ESR1: variants seen among roughly 807,000 people sequenced by gnomAD.
The protein encoded by ESR1 is estrogen receptor.
In ESR1, 12 loss-of-function variants were observed where a neutral mutation model predicts 52.7. The ratio of observed to expected loss-of-function variants is 0.23; its 90% CI spans 0.15 to 0.37. The LOEUF is 0.37. ESR1 is among the 10% of genes least tolerant of loss of function. The pLI, the probability that ESR1 is intolerant of heterozygous loss-of-function variation, is 1.00. For missense variants in ESR1, 584 were observed against 779.7 expected, an observed-to-expected ratio of 0.75 and a Z score of 2.99; for synonymous variants, 305 against 316.8, an observed-to-expected ratio of 0.96 and a Z score of 0.39.
intron 5 of ESR1, among the ~76,000 whole-genome samples, chr6:152,029,897 T>C (rs1243434425): frequency 1.4e-4 from 21 of 152,160 alleles, no homozygotes; most frequent in Admixed American, 2.6e-4. Flanking sequence ...GAGAGAAAGA[T>C]TGGGTTACCC....
intron 5 of ESR1, among the ~76,000 whole-genome samples, chr6:152,055,775 C>G (rs2047051430): frequency 6.6e-6 from 1 of 152,216 alleles, no homozygotes; most frequent in Non-Finnish European, 1.5e-5. Flanking sequence ...CAAGTTCTTT[C>G]ACAGCAGATA....
At chr6:151,681,292 T>A (rs528347491) in intron 1 of ESR1, among the ~76,000 whole-genome samples, 1 of 152,218 alleles carries the variant, frequency 6.6e-6, no homozygotes, top group African/African-American at 2.4e-5. Context: ...GGGGTTGCGC[T>A]GGAGTGTGAA....
intron 1 of ESR1, among the ~76,000 whole-genome samples, chr6:151,827,265 G>A (rs1781651180): frequency 1.3e-5 from 2 of 151,284 alleles, no homozygotes; most frequent in Non-Finnish European, 2.9e-5. Flanking sequence ...AGGCTGAGAT[G>A]GGAGGATCAC....
chr6:152,114,141 T>C (rs1194289927), intron 6 of ESR1, among the ~76,000 whole-genome samples: 1 of 152,120 alleles, frequency 6.6e-6, no homozygotes, highest in Non-Finnish European at 1.5e-5. Flanking sequence ...AGCTGTTGAA[T>C]GGGAACAGAT....
chr6:151,824,158 G>A (rs1391003042), intron 1 of ESR1, among the ~76,000 whole-genome samples: 2 of 152,036 alleles, frequency 1.3e-5, no homozygotes, highest in South Asian at 2.1e-4. Context: ...TTTAATGATT[G>A]CCATTCTAAC....
intron 2 of ESR1, among the ~76,000 whole-genome samples, chr6:151,867,667 G>A (rs1016999986): frequency 4.6e-5 from 7 of 152,346 alleles, no homozygotes; most frequent in Non-Finnish European, 7.3e-5. Context: ...TAGAGAGGAT[G>A]TGGGGAAATA....
At chr6:151,701,529 C>CAAAAAAAAAAAAAAAA (rs57589542) in intron 1 of ESR1, among the ~76,000 whole-genome samples, 2 of 89,424 alleles carry the variant, frequency 2.2e-5, no homozygotes, top group Middle Eastern at 5.4e-3. Context: ...CACTACATCT[C>CAAAAAAAAAAAAAAAA]AAAAAAAAAA....
chr6:151,901,603 C>T (rs972743638), intron 3 of ESR1, among the ~76,000 whole-genome samples: 8 of 152,254 alleles, frequency 5.3e-5, no homozygotes, highest in African/African-American at 1.7e-4. Flanking sequence ...AGAGAGCCCA[C>T]AGGGCTTTTC....
chr6:152,074,635 T>C (rs7766205), intron 6 of ESR1, among the ~76,000 whole-genome samples: 31,188 of 152,146 alleles, frequency 0.2, 4,405 homozygotes, highest in African/African-American at 0.39. Context: ...CTGGATTGTA[T>C]AGTATGTTTA....
At chr6:151,678,531 GT>G (rs1277980338) in intron 1 of ESR1, among the ~76,000 whole-genome samples, 2 of 152,014 alleles carry the variant, frequency 1.3e-5, no homozygotes, top group African/African-American at 4.8e-5. Context: ...ACATCTGTGG[GT>G]GTGGGTTCGG....
At chr6:151,736,733 C>T (rs1187053645) in intron 2 of ESR1, among the ~76,000 whole-genome samples, 2 of 152,012 alleles carry the variant, frequency 1.3e-5, no homozygotes, top group African/African-American at 4.8e-5. Flanking sequence ...CACAATAACC[C>T]TTTGTTGCAG....
chr6:151,995,159 C>A (rs961868314), intron 4 of ESR1, among the ~76,000 whole-genome samples: 5 of 152,080 alleles, frequency 3.3e-5, no homozygotes, highest in Admixed American at 3.3e-4. Flanking sequence ...GAAAAGCAGC[C>A]CCTAGGAACA....
chr6:151,819,721 G>C (rs1780252912), intron 1 of ESR1, among the ~76,000 whole-genome samples: 1 of 152,080 alleles, frequency 6.6e-6, no homozygotes. Flanking sequence ...AATACTAATA[G>C]AAATAAAGTG....
At chr6:151,913,314 C>T (rs1014029556) in intron 3 of ESR1, among the ~76,000 whole-genome samples, 3 of 152,106 alleles carry the variant, frequency 2.0e-5, no homozygotes, top group African/African-American at 4.8e-5. Context: ...GTTCCTCCCC[C>T]ACACGTAAAC....
chr6:152,109,359 G>A (rs555694832), intron 6 of ESR1, among the ~76,000 whole-genome samples: 37 of 152,206 alleles, frequency 2.4e-4, no homozygotes, highest in African/African-American at 6.7e-4. Flanking sequence ...TCACATTCGT[G>A]GTGGCTTACA....
intron 1 of ESR1, chr6:151,809,398 C>T (rs987900404): frequency 3.5e-6 from 1 of 286,286 alleles, no homozygotes; most frequent in South Asian, 3.1e-5. Context: ...GATGGGCCTG[C>T]AGAGGGATTA....
At chr6:152,073,872 CCAA>C (rs1316599561) in intron 6 of ESR1, among the ~76,000 whole-genome samples, 1 of 152,056 alleles carries the variant, frequency 6.6e-6, no homozygotes, top group Non-Finnish European at 1.5e-5. Context: ...CCTCAGTTTC[CCAA>C]CAATTTCCTA....
chr6:151,716,731 C>T (rs942459753), intron 2 of ESR1, among the ~76,000 whole-genome samples: 7 of 152,148 alleles, frequency 4.6e-5, no homozygotes, highest in South Asian at 2.1e-4. Context: ...GTGCTGGCAG[C>T]GAGAATTTCA....
chr6:152,038,205 TG>T (rs1029582106), intron 5 of ESR1, among the ~76,000 whole-genome samples: 1 of 152,176 alleles, frequency 6.6e-6, no homozygotes, highest in Admixed American at 6.5e-5. Flanking sequence ...GGGAGAAAGA[TG>T]GAAGCCAGAA....
Sources: gnomAD v4.1 joint callset for allele counts (sites outside exome capture counted in the v4.1 genomes callset) on GRCh38, gnomAD v4.1.1 for gene constraint, MANE v1.5 for transcripts, NCBI Gene and HGNC (gene_info 2026-07-23, HGNC 2026-07-21) for gene names.